The following SCARB1 variants were observed in gnomAD, a reference collection of about 807,000 sequenced individuals.
SCARB1 encodes the protein CD36 and LIMPII analogous 1.
A neutral mutation model predicts 57.2 loss-of-function variants in SCARB1; 30 were observed. The ratio of observed to expected loss-of-function variants is 0.52; its 90% CI spans 0.39 to 0.71. The LOEUF (loss-of-function observed/expected upper bound fraction) is 0.71. SCARB1 is among the 30% of genes least tolerant of loss of function. SCARB1 has a pLI of 0.00. For missense variants in SCARB1, 543 were observed against 671.2 expected (o/e 0.81, Z 2.11); for synonymous variants, 249 against 268.3 (o/e 0.93, Z 0.70).
rs752978903 is a variant in SCARB1 at position 124,814,385 on chromosome 12, C to T, written c.447G>A (p.Glu149=). Residue 149 remains glutamate, a synonymous_variant, in exon 4 of 13, where the codon GAG becomes GAA. Coordinates refer to ENST00000261693, the MANE Select transcript of SCARB1 (RefSeq NM_005505.5). The surrounding 1 kb of genome is among the most constrained non-coding windows in gnomAD (Gnocchi z 4.7). ...TGAGCTTCAGGGTCATGGGCTTATT[C>T]TCCATCATCACCGCCGCACCCTGCA... The part of the protein sequence containing the change: ...ILVLGAAVMM[E]NKPMTLKLIM... The T allele has an allele frequency of 6.2e-7, 1 of 1,613,798 alleles. No individual in the cohort carries two copies. Among genetic ancestry groups the T allele is most frequent in the Non-Finnish European group, 8.5e-7 (1 of 1,180,038 alleles).
chr12:124,832,470 A>G lies in SCARB1; in HGVS notation c.127-14763T>C, dbSNP rs146162709. ...GGAAGGCAGAGGTTCTAGTGAGCCG[A>G]GATTGTGCCACTGCACTCCAGCCTG... On this transcript the variant is annotated intron_variant, in intron 1 of 12. Coordinates refer to ENST00000261693, the MANE Select transcript of SCARB1 (RefSeq NM_005505.5). Among the ~76,000 whole-genome samples, 997 of 151,884 alleles carry G rather than the reference A, an allele frequency of 6.6e-3. 6 individuals carry two copies. The highest frequency in any genetic ancestry group is 0.014 in the Middle Eastern group (4 of 294).
At chr12:124,808,060 C>G (rs1950383820) in intron 6 of SCARB1, 133 bp from the exon 7 acceptor site, 1 of 821,220 alleles carries the variant, frequency 1.2e-6, no homozygotes, top group Non-Finnish European at 2.0e-6. Flanking sequence ...CCGCCCCCAT[C>G]TCTCACCCGC....
At chr12:124,791,824 C>T (rs1025275724) in intron 9 of SCARB1, among the ~76,000 whole-genome samples, 2 of 152,004 alleles carry the variant, frequency 1.3e-5, no homozygotes, top group African/African-American at 2.4e-5. Context: ...GGCGTGGTGG[C>T]GGGCACCTGT....
intron 12 of SCARB1, among the ~76,000 whole-genome samples, chr12:124,781,775 G>A (rs563551886): frequency 2.0e-4 from 30 of 152,220 alleles, no homozygotes; most frequent in African/African-American, 6.5e-4. Context: ...CTTGTGTTTC[G>A]TTTGTTTGTT....
chr12:124,830,192 C>A (rs1951330642), intron 1 of SCARB1, among the ~76,000 whole-genome samples: 1 of 152,232 alleles, frequency 6.6e-6, no homozygotes, highest in African/African-American at 2.4e-5. Flanking sequence ...AAAAGACTGA[C>A]AATAACAAGT....
intron 1 of SCARB1, among the ~76,000 whole-genome samples, chr12:124,845,220 A>G (rs11057855): frequency 0.095 from 14,406 of 152,222 alleles, 1,133 homozygotes; most frequent in African/African-American, 0.22. Context: ...CCACCAGCCC[A>G]GACGCCCATC....
rs1180925669 is a variant in SCARB1 at position 124,817,438 on chromosome 12, C to T, written c.284+112G>A. On this transcript the variant is annotated intron_variant, in intron 2 of 12. Transcript: ENST00000261693. This position sits in a 1 kb window ranked among gnomAD's most constrained non-coding sequence, Gnocchi z 4.8. ...TACCCCGACTATGACTTGCCTGCTT[C>T]CGGAACAATCTCTGGGGCTCAGTCA... 14 of 1,100,378 alleles carry T rather than the reference C, an allele frequency of 1.3e-5. No homozygotes were observed. The highest frequency in any genetic ancestry group is 1.9e-5 in the Non-Finnish European group (14 of 748,054). The allele number at this position is 1,100,378 out of a possible 1,614,324, so 68.2% of individuals were successfully genotyped here.
At position 124,815,215 on chromosome 12, in the gene SCARB1, G is replaced by A. The variant is rs146272788; in HGVS notation, c.285-101C>T. 88 of 1,345,004 alleles carry A rather than the reference G, an allele frequency of 6.5e-5. No homozygotes were observed. In the African/African-American group the frequency reaches 1.0e-3, roughly 16 times the overall value. The allele number at this position is 1,345,004 out of a possible 1,614,324, so 83.3% of individuals were successfully genotyped here. The stretch of plus-strand genomic sequence containing the variant: ...TGCCTGGGAACCAGGGGCCCTGGAC[G>A]TCTGTGCACACCTCCGGCCCCACAG... On this transcript the variant is annotated intron_variant, in intron 2 of 12. Coordinates refer to ENST00000261693, the MANE Select transcript of SCARB1 (RefSeq NM_005505.5).
chr12:124,798,481 C>A (rs911720428), intron 8 of SCARB1, among the ~76,000 whole-genome samples: 1 of 152,018 alleles, frequency 6.6e-6, no homozygotes, highest in Non-Finnish European at 1.5e-5. Context: ...GGACACTATG[C>A]GAAGTAAAAT....
intron 9 of SCARB1, among the ~76,000 whole-genome samples, chr12:124,791,801 C>A (rs1192627776): frequency 6.6e-6 from 1 of 152,080 alleles, no homozygotes; most frequent in Non-Finnish European, 1.5e-5. Context: ...ACTAAAAATA[C>A]AAAAATTTGC....
At position 124,777,510 on chromosome 12, in the gene SCARB1, G is replaced by T. The variant is rs977722092; in HGVS notation, c.*1077C>A. 2.0e-5 allele frequency: 3 copies of T among 152,216 alleles called. No homozygotes were observed. The highest frequency in any genetic ancestry group is 2.9e-5 in the Non-Finnish European group (2 of 68,062). 9.4% of individuals were successfully genotyped at this position (152,216 alleles called of 1,614,324 possible). On this transcript the variant is annotated 3_prime_UTR_variant, in exon 13 of 13. Transcript: ENST00000261693. ...GTAAGCCAGCAGCCCGGCCCTGGGAGAGACGCTCTTGGCAGCCACCAGAAA... is the reference window on the plus strand; with the variant it reads ...GTAAGCCAGCAGCCCGGCCCTGGGATAGACGCTCTTGGCAGCCACCAGAAA...
intron 9 of SCARB1, among the ~76,000 whole-genome samples, chr12:124,792,539 T>C (rs1050735779): frequency 8.6e-5 from 13 of 151,760 alleles, no homozygotes; most frequent in Admixed American, 3.3e-4. Context: ...CTGGCCAACA[T>C]GGTGAAATCC....
Position 124,814,333 on chromosome 12 carries a change from C to A in SCARB1, c.499G>T (p.Gly167Cys). The A allele has an allele frequency of 6.2e-7, 1 of 1,614,144 alleles. No homozygotes were observed. The highest frequency in any genetic ancestry group is 8.5e-7 in the Non-Finnish European group (1 of 1,180,032). Reference sequence around the variant, plus strand: ...GTGCGGTTCATGAAGGCACGTTCGCCGAGGGTGGTGAATGCCAAGGTCATG... The same window carrying A: ...GTGCGGTTCATGAAGGCACGTTCGCAGAGGGTGGTGAATGCCAAGGTCATG... ...LIMTLAFTTL[G>C]ERAFMNRTVG... The change falls in exon 4 of 13, where the codon GGC becomes TGC. Residue 167 changes from glycine to cysteine, a missense_variant. Coordinates refer to ENST00000261693, the MANE Select transcript of SCARB1 (RefSeq NM_005505.5). The surrounding 1 kb of genome is among the most constrained non-coding windows in gnomAD (Gnocchi z 4.7).
intron 11 of SCARB1, 62 bp downstream of exon 11, chr12:124,786,295 C>T: frequency 6.2e-7 from 1 of 1,606,716 alleles, no homozygotes; most frequent in Non-Finnish European, 8.5e-7. Context: ...ATCTGAGGCC[C>T]CTTTCCCCCA....
rs867887665 is a variant in SCARB1, at chr12:124,812,739, G to A, written c.631-774C>T. ...GTGGAGCACACTGAGGAGCTCCAAG[G>A]TTGCCCGGCTGAGTGACTGCACCCA... On this transcript the variant is annotated intron_variant, in intron 4 of 12. Coordinates refer to ENST00000261693, the MANE Select transcript of SCARB1 (RefSeq NM_005505.5). This position sits in a 1 kb window ranked among gnomAD's most constrained non-coding sequence, Gnocchi z 4.3. Among the ~76,000 whole-genome samples the A allele has an allele frequency of 1.4e-4, 21 of 152,248 alleles. No individual in the cohort carries two copies. The highest frequency in any genetic ancestry group is 4.1e-4 in the African/African-American group (17 of 41,522).
chr12:124,814,451 C>CCCAT lies in SCARB1; in HGVS notation c.427-50_427-47dup, dbSNP rs748527895. 6.3e-7 allele frequency: 1 copy of CCCAT among 1,588,186 alleles called. No individual in the cohort carries two copies. On this transcript the variant is annotated intron_variant, in intron 3 of 12. Coordinates refer to ENST00000261693, the MANE Select transcript of SCARB1 (RefSeq NM_005505.5). This position sits in a 1 kb window ranked among gnomAD's most constrained non-coding sequence, Gnocchi z 4.7. Reference sequence around the variant, plus strand: ...AGTGTCAGAGGCTGGACGTGGCTGGCCCATCCTCCCTTGGCCCCAGCTGGG... The same window carrying CCCAT: ...AGTGTCAGAGGCTGGACGTGGCTGGCCCATCCATCCTCCCTTGGCCCCAGCTGGG...
At chr12:124,831,568 G>A (rs911254642) in intron 1 of SCARB1, among the ~76,000 whole-genome samples, 1 of 152,140 alleles carries the variant, frequency 6.6e-6, no homozygotes, top group South Asian at 2.1e-4. Flanking sequence ...GCAGAGCAGC[G>A]AGGCCAGCCA....
chr12:124,800,648 T>C lies in SCARB1; in HGVS notation c.1010-406A>G, dbSNP rs1555261958. ...GCAACGCCAGATTTGAACTTGGGTG[T>C]GGGGAGGGGAGTCTCAAGCGCAAGC... On this transcript the variant is annotated intron_variant, in intron 7 of 12. Transcript: ENST00000261693. This position sits in a 1 kb window ranked among gnomAD's most constrained non-coding sequence, Gnocchi z 4.8. Among the ~76,000 whole-genome samples the C allele has an allele frequency of 6.6e-6, 1 of 151,962 alleles. No individual in the cohort carries two copies. Among genetic ancestry groups the C allele is most frequent in the Non-Finnish European group, 1.5e-5 (1 of 67,986 alleles).
At chr12:124,803,230 CTGTT>C (rs1950195341) in intron 7 of SCARB1, among the ~76,000 whole-genome samples, 1 of 152,184 alleles carries the variant, frequency 6.6e-6, no homozygotes, top group African/African-American at 2.4e-5. Flanking sequence ...CCTGTCCTGT[CTGTT>C]TCTCAGTCAG....
Sources: allele counts gnomAD v4.1 joint callset (sites outside exome capture counted in the v4.1 genomes callset), GRCh38; gene constraint gnomAD v4.1.1; non-coding constraint Gnocchi (gnomAD v3.1); transcripts MANE v1.5; gene names NCBI Gene and HGNC (gene_info 2026-07-23, HGNC 2026-07-21).